The following PTPRM variants were observed in gnomAD, a reference collection of about 807,000 sequenced individuals.
PTPRM encodes receptor-type tyrosine-protein phosphatase mu.
PTPRM carries 47 observed loss-of-function variants against 186.7 expected under a neutral mutation model. The observed-to-expected ratio is 0.25, with a 90% confidence interval of 0.20 to 0.32. PTPRM has a LOEUF of 0.32. Among genes scored for constraint, PTPRM ranks in the 10% least tolerant of loss-of-function variants. The probability of loss-of-function intolerance (pLI) is 1.00; values close to 1 mark genes in which losing one functional copy is unlikely to be tolerated. For synonymous variants in PTPRM, 668 were observed against 674.9 expected (o/e 0.99, Z 0.16); for missense variants, 1,494 against 1,865.0 (o/e 0.80, Z 3.66).
chr18:7,829,221 A>T (rs1441999924), intron 2 of PTPRM, among the ~76,000 whole-genome samples: 1 of 152,226 alleles, frequency 6.6e-6, no homozygotes, highest in African/African-American at 2.4e-5. Flanking sequence ...AAACAAAACA[A>T]CATACATAAA....
At chr18:7,754,782 C>T (rs1233993984) in intron 1 of PTPRM, 1 of 152,230 alleles carries the variant, frequency 6.6e-6, no homozygotes, top group African/African-American at 2.4e-5. Context: ...GAGGAGGCCA[C>T]AGAGAGCTGG....
chr18:8,259,447 G>T (rs1466856903), intron 19 of PTPRM, among the ~76,000 whole-genome samples: 1 of 151,862 alleles, frequency 6.6e-6, no homozygotes, highest in African/African-American at 2.4e-5. Flanking sequence ...CTGTCTCCTT[G>T]TAGCTCCTTT....
At chr18:7,771,087 C>G (rs2042250148) in intron 1 of PTPRM, among the ~76,000 whole-genome samples, 1 of 152,192 alleles carries the variant, frequency 6.6e-6, no homozygotes, top group South Asian at 2.1e-4. Flanking sequence ...TTGCTCTCAG[C>G]CACACGTGCA....
intron 4 of PTPRM, among the ~76,000 whole-genome samples, chr18:7,914,013 C>G (rs1395283726): frequency 6.6e-6 from 1 of 151,986 alleles, no homozygotes; most frequent in Non-Finnish European, 1.5e-5. Flanking sequence ...TAGTATTTTC[C>G]TTATTAATTT....
At chr18:8,330,356 C>T (rs1054630977) in intron 22 of PTPRM, among the ~76,000 whole-genome samples, 1 of 152,166 alleles carries the variant, frequency 6.6e-6, no homozygotes, top group Non-Finnish European at 1.5e-5. Context: ...CATGCAACAC[C>T]CTTCACTGCC....
intron 5 of PTPRM, among the ~76,000 whole-genome samples, chr18:7,928,630 G>C (rs541466842): frequency 7.2e-5 from 11 of 152,036 alleles, no homozygotes; most frequent in Admixed American, 6.5e-4. Flanking sequence ...AATACGTTTT[G>C]CTCCTAATAT....
rs1177741164 is a variant in PTPRM, at chr18:7,966,868, G to A, written c.1132+11454G>A. On this transcript the variant is annotated intron_variant, in intron 7 of 32. Transcript: ENST00000580170. ...TGAGATCAAACCGCAAGGCGGCAGCGAGGCTGGGGGAGGGGCGCCCACCAT... is the reference window on the plus strand; with the variant it reads ...TGAGATCAAACCGCAAGGCGGCAGCAAGGCTGGGGGAGGGGCGCCCACCAT... Among the ~76,000 whole-genome samples, 7 of 127,652 alleles carry A rather than the reference G, an allele frequency of 5.5e-5. 1 individual carries two copies. The highest frequency in any genetic ancestry group is 7.6e-5 in the African/African-American group (3 of 39,414). 83.7% of individuals were successfully genotyped at this position (127,652 alleles called of 152,430 possible).
intron 7 of PTPRM, among the ~76,000 whole-genome samples, chr18:7,962,298 T>C (rs1719566844): frequency 6.6e-6 from 1 of 152,172 alleles, no homozygotes. Context: ...TATATATACA[T>C]ATGGAGGATA....
chr18:8,100,925 C>T (rs1469580036), intron 11 of PTPRM, among the ~76,000 whole-genome samples: 2 of 152,146 alleles, frequency 1.3e-5, no homozygotes, highest in African/African-American at 4.8e-5. Context: ...GTGGTTATCA[C>T]CTATATAGGA....
chr18:7,658,985 G>GA (rs2038918045), intron 1 of PTPRM, among the ~76,000 whole-genome samples: 33 of 152,210 alleles, frequency 2.2e-4, no homozygotes, highest in Middle Eastern at 3.4e-3. Flanking sequence ...GCATCTGCCT[G>GA]AAGCTCTCCC....
intron 7 of PTPRM, among the ~76,000 whole-genome samples, chr18:8,048,579 CT>C (rs201453919): frequency 2.7e-5 from 4 of 148,370 alleles, no homozygotes; most frequent in African/African-American, 1.0e-4. Flanking sequence ...TTGAGGAAGT[CT>C]TTTTTAAAAA....
intron 2 of PTPRM, among the ~76,000 whole-genome samples, chr18:7,802,807 A>C (rs995299942): frequency 2.6e-5 from 4 of 152,160 alleles, no homozygotes; most frequent in African/African-American, 9.7e-5. Context: ...TCACTCAACA[A>C]ATGATTATTG....
intron 7 of PTPRM, among the ~76,000 whole-genome samples, chr18:8,053,497 C>T (rs2087663808): frequency 6.6e-6 from 1 of 152,106 alleles, no homozygotes; most frequent in African/African-American, 2.4e-5. Flanking sequence ...TATAGAACAT[C>T]AGGATTTCTG....
intron 5 of PTPRM, among the ~76,000 whole-genome samples, chr18:7,934,496 A>G (rs1599596769): frequency 6.6e-6 from 1 of 152,226 alleles, no homozygotes; most frequent in African/African-American, 2.4e-5. Flanking sequence ...ATAACCTACA[A>G]CGATTTTAAT....
chr18:8,066,348 T>C (rs2089075091), intron 7 of PTPRM, among the ~76,000 whole-genome samples: 1 of 152,180 alleles, frequency 6.6e-6, no homozygotes, highest in African/African-American at 2.4e-5. Flanking sequence ...TGTATCTGCT[T>C]TTCCAGCCAT....
chr18:7,708,075 T>C (rs548254631), intron 1 of PTPRM, among the ~76,000 whole-genome samples: 2 of 152,346 alleles, frequency 1.3e-5, no homozygotes, highest in African/African-American at 4.8e-5. Context: ...TTAGGCTCTT[T>C]CATTGGCTTT....
Position 8,244,052 on chromosome 18 carries a change from C to A in PTPRM, c.2301-6C>A. 6.2e-7 allele frequency: 1 copy of A among 1,606,804 alleles called. No individual in the cohort carries two copies. Among genetic ancestry groups the A allele is most frequent in the Non-Finnish European group, 8.5e-7 (1 of 1,177,668 alleles). ...ATGCCTACATAATTGAATTCTTTATCCTAAGGAAACTGGCCAAGAAGCGGA... is the reference window on the plus strand; with the variant it reads ...ATGCCTACATAATTGAATTCTTTATACTAAGGAAACTGGCCAAGAAGCGGA... On this transcript the variant is annotated splice_polypyrimidine_tract_variant and splice_region_variant and intron_variant, in intron 14 of 32. Transcript: ENST00000580170.
At chr18:8,126,998 A>G (rs2092383012) in intron 13 of PTPRM, among the ~76,000 whole-genome samples, 2 of 152,116 alleles carry the variant, frequency 1.3e-5, no homozygotes, top group African/African-American at 4.8e-5. Flanking sequence ...TCTTGATCCC[A>G]GGAGGAGTGG....
chr18:8,368,848 G>A (rs115489785), intron 23 of PTPRM, among the ~76,000 whole-genome samples: 150 of 152,302 alleles, frequency 9.8e-4, no homozygotes, highest in African/African-American at 3.4e-3. Flanking sequence ...CAGCGATCAG[G>A]TGTTGCAGGG....
Sources: allele counts gnomAD v4.1 joint callset (sites outside exome capture counted in the v4.1 genomes callset), GRCh38; gene constraint gnomAD v4.1.1; transcripts MANE v1.5; gene names NCBI Gene and HGNC (gene_info 2026-07-23, HGNC 2026-07-21).